The following ANO4 variants were observed in gnomAD, a reference collection of about 807,000 sequenced individuals.
ANO4 encodes the protein anoctamin 4.
Under a neutral mutation model 141.9 loss-of-function variants are expected in ANO4, and 69 were observed. The observed-to-expected ratio is 0.49, with a 90% CI of 0.40 to 0.59. The LOEUF is 0.59. Ranked by LOEUF, ANO4 falls within the 20% of genes least tolerant of loss-of-function variation. The pLI is 0.00. For synonymous variants in ANO4, 350 were observed against 394.3 expected, an observed-to-expected ratio of 0.89 and a Z score of 1.33; for missense variants, 894 against 1,162.2, an observed-to-expected ratio of 0.77 and a Z score of 3.36.
At chr12:101,092,031 C>T (rs1432209808) in intron 17 of ANO4, among the ~76,000 whole-genome samples, 4 of 151,854 alleles carry the variant, frequency 2.6e-5, no homozygotes, top group Non-Finnish European at 4.4e-5. Context: ...TTCTTGTTCC[C>T]GATCATATTG....
At chr12:101,029,649 A>C (rs146410570) in intron 9 of ANO4, among the ~76,000 whole-genome samples, 1 of 152,232 alleles carries the variant, frequency 6.6e-6, no homozygotes, top group Non-Finnish European at 1.5e-5. Context: ...TGGTGGCTCA[A>C]ACCTATAATC....
intron 1 of ANO4, among the ~76,000 whole-genome samples, chr12:100,807,298 A>G (rs564862946): frequency 3.0e-4 from 46 of 152,268 alleles, no homozygotes; most frequent in Admixed American, 2.2e-3. Flanking sequence ...AAATCCCCTT[A>G]TGTAGTTAGA....
chr12:100,835,521 A>T (rs1169302420), intron 1 of ANO4, among the ~76,000 whole-genome samples: 1 of 152,136 alleles, frequency 6.6e-6, no homozygotes, highest in Non-Finnish European at 1.5e-5. Context: ...GACCACATAA[A>T]CTACTATAAA....
chr12:100,767,840 C>T (rs1022552570), intron 3 of ANO4, among the ~76,000 whole-genome samples: 2 of 152,214 alleles, frequency 1.3e-5, no homozygotes, highest in African/African-American at 2.4e-5. Flanking sequence ...ACTTTGACCA[C>T]GTACAAAAAC....
At chr12:101,057,294 G>T (rs2048163019) in intron 14 of ANO4, among the ~76,000 whole-genome samples, 1 of 152,120 alleles carries the variant, frequency 6.6e-6, no homozygotes, top group Admixed American at 6.5e-5. Flanking sequence ...TTGCTATTGT[G>T]AATAGTGCCA....
Position 101,126,867 on chromosome 12 carries a change from C to CTT in ANO4, c.2677-12_2677-11insTT, listed in dbSNP as rs765769002. On this transcript the variant is annotated splice_polypyrimidine_tract_variant and intron_variant, in intron 26 of 27. Transcript: ENST00000392977. ...AGTAGACCTGACGCTGTTACATTCT[C>CTT]CTCTGTTTTAGCACCTCGTGTTTTG... 33 of 1,518,884 alleles carry CTT rather than the reference C, an allele frequency of 2.2e-5. 1 individual carries two copies. The East Asian group carries it at 7.1e-4, about 33-fold the overall frequency. 94.1% of individuals were successfully genotyped at this position (1,518,884 alleles called of 1,614,324 possible).
chr12:101,034,373 C>A (rs931503759), intron 9 of ANO4, among the ~76,000 whole-genome samples: 5 of 152,132 alleles, frequency 3.3e-5, no homozygotes, highest in African/African-American at 4.8e-5. Flanking sequence ...TCATCCTCAG[C>A]AAACTAAGAC....
At chr12:101,032,325 A>G (rs1423573830) in intron 9 of ANO4, among the ~76,000 whole-genome samples, 2 of 152,210 alleles carry the variant, frequency 1.3e-5, no homozygotes, top group African/African-American at 4.8e-5. Flanking sequence ...GAAACAAGCA[A>G]TGGGGAAAGG....
At chr12:100,795,972 A>C (rs1477971273) in intron 1 of ANO4, among the ~76,000 whole-genome samples, 13 of 152,074 alleles carry the variant, frequency 8.5e-5, no homozygotes, top group Non-Finnish European at 1.9e-4. Context: ...TTGACGCCCA[A>C]AGGAAACCAA....
At chr12:100,909,036 G>A (rs1214160610) in intron 2 of ANO4, among the ~76,000 whole-genome samples, 2 of 152,158 alleles carry the variant, frequency 1.3e-5, no homozygotes, top group Admixed American at 6.5e-5. Context: ...GTCCAAGAGA[G>A]ACAATCAGTC....
At chr12:100,882,189 G>A (rs1023793592) in intron 1 of ANO4, among the ~76,000 whole-genome samples, 14 of 152,134 alleles carry the variant, frequency 9.2e-5, no homozygotes, top group African/African-American at 2.9e-4. Flanking sequence ...TGGGGTAAAT[G>A]TTACTATTAA....
intron 1 of ANO4, among the ~76,000 whole-genome samples, chr12:100,720,720 A>G (rs1382180246): frequency 1.3e-5 from 2 of 152,198 alleles, no homozygotes; most frequent in Non-Finnish European, 2.9e-5. Flanking sequence ...GTGCAGAGTC[A>G]GTCTCGTAGT....
At chr12:100,770,686 C>A (rs1363520968) in intron 3 of ANO4, among the ~76,000 whole-genome samples, 1 of 152,096 alleles carries the variant, frequency 6.6e-6, no homozygotes, top group East Asian at 1.9e-4. Context: ...CATATTTAAC[C>A]CCCTGTTTCT....
At chr12:100,791,177 G>A (rs1306527322), upstream of ANO4, among the ~76,000 whole-genome samples, 1 of 152,110 alleles carries the variant, frequency 6.6e-6, no homozygotes, top group Non-Finnish European at 1.5e-5. Context: ...TCAGGAGTTC[G>A]AGACTAGCCT....
At chr12:101,058,319 T>G (rs2048210701) in intron 14 of ANO4, among the ~76,000 whole-genome samples, 1 of 152,206 alleles carries the variant, frequency 6.6e-6, no homozygotes, top group Non-Finnish European at 1.5e-5. Flanking sequence ...TTGTTCTTTT[T>G]GCTTAGGATT....
At chr12:101,015,428 C>T (rs189905899) in intron 8 of ANO4, among the ~76,000 whole-genome samples, 1 of 152,280 alleles carries the variant, frequency 6.6e-6, no homozygotes, top group East Asian at 1.9e-4. Context: ...TTTAGATCTA[C>T]ACCAAGGGCC....
intron 1 of ANO4, among the ~76,000 whole-genome samples, chr12:100,724,028 C>CAAAA (rs143254947): frequency 2.0e-5 from 3 of 146,848 alleles, no homozygotes; most frequent in Non-Finnish European, 4.5e-5. Flanking sequence ...AAACAAAAAA[C>CAAAA]AAAAAAACAA....
intron 3 of ANO4, among the ~76,000 whole-genome samples, chr12:100,762,125 T>G (rs2135528269): frequency 6.6e-6 from 1 of 152,312 alleles, no homozygotes; most frequent in Non-Finnish European, 1.5e-5. Flanking sequence ...CTTCCATTTC[T>G]TACTCTTCAA....
intron 18 of ANO4, 90 bp downstream of exon 18, chr12:101,094,382 A>G (rs779703285): frequency 3.2e-5 from 33 of 1,030,788 alleles, no homozygotes; most frequent in East Asian, 1.1e-4. Context: ...GCTGGAAAGA[A>G]ATAGTCCCTT....
Sources: allele counts gnomAD v4.1 joint callset (sites outside exome capture counted in the v4.1 genomes callset), GRCh38; gene constraint gnomAD v4.1.1; transcripts MANE v1.5; gene names NCBI Gene and HGNC (gene_info 2026-07-23, HGNC 2026-07-21).